Variants in MADCAM1 observed in about 807,000 individuals in gnomAD.
MADCAM1 encodes the protein mucosal vascular addressin cell adhesion molecule 1, also known as mucosal addressin cell adhesion molecule 1.
A neutral mutation model predicts 26.1 loss-of-function variants in MADCAM1; 19 were observed. The ratio of observed to expected loss-of-function variants is 0.73; its 90% CI spans 0.51 to 1.07. The LOEUF (loss-of-function observed/expected upper bound fraction) is 1.07. MADCAM1 is among the 50% of genes least tolerant of loss of function. MADCAM1 has a pLI of 0.00. For synonymous variants in MADCAM1, 268 were observed against 260.9 expected (o/e 1.03, Z -0.26); for missense variants, 514 against 542.1 (o/e 0.95, Z 0.51).
At chr19:498,873 C>A in intron 3 of MADCAM1, 48 bp downstream of exon 3, 15 of 958,232 alleles carry the variant, frequency 1.6e-5, no homozygotes, top group Non-Finnish European at 2.0e-5. Context: ...CCAGCCTTGA[C>A]AAGCACTTCG....
At chr19:500,801 C>T (rs1430635604) in intron 3 of MADCAM1, among the ~76,000 whole-genome samples, 9 of 151,312 alleles carry the variant, frequency 5.9e-5, no homozygotes, top group Admixed American at 3.9e-4. Context: ...ACCCGGGAGG[C>T]GGAGGTTGCA....
In MADCAM1 at chr19:501,719, T is replaced by TCCCGACACCACCTCCCAGGAGC. The variant is rs1568317884; in HGVS notation, c.719_720insCCGACACCACCTCCCAGGAGCC (p.Pro241ArgfsTer61). On this transcript the variant is annotated frameshift_variant, in exon 4 of 5. Transcript: ENST00000215637. LOFTEE classifies it high-confidence loss of function. ...GCCTCCCGACACCACCTCCCCGGAG[T>TCCCGACACCACCTCCCAGGAGC]CTCCCGACACCACCTCCCCGGAGTC... 61 of 868,410 alleles carry TCCCGACACCACCTCCCAGGAGC rather than the reference T, an allele frequency of 7.0e-5. No homozygotes were observed. The African/African-American group carries it at 1.2e-3, about 17-fold the overall frequency. 53.8% of individuals were successfully genotyped at this position (868,410 alleles called of 1,614,324 possible).
At chr19:504,626 G>A in intron 4 of MADCAM1, 119 bp from the exon 5 acceptor site, 1 of 713,694 alleles carries the variant, frequency 1.4e-6, no homozygotes, top group South Asian at 1.9e-5. Flanking sequence ...AGTCCTTTGT[G>A]AAATTTCAGG....
chr19:499,993 G>T, intron 3 of MADCAM1: 1 of 451,026 alleles, frequency 2.2e-6, no homozygotes, highest in South Asian at 1.6e-5. Context: ...TCTTTGTGGT[G>T]GGGGTGGGGC....
At chr19:504,255 C>CATTTTTTTTTTTTTTTTTTTTT (rs1270034691) in intron 4 of MADCAM1, among the ~76,000 whole-genome samples, 2 of 88,150 alleles carry the variant, frequency 2.3e-5, no homozygotes. Flanking sequence ...CCGGTCTGCC[C>CATTTTTTTTTTTTTTTTTTTTT]TTTTTTTTTT....
In MADCAM1 at chr19:497,821, C is replaced by T. The variant is rs1252883231; in HGVS notation, c.53-12C>T. On this transcript the variant is annotated splice_polypyrimidine_tract_variant and intron_variant, in intron 1 of 4. Coordinates refer to ENST00000215637, the MANE Select transcript of MADCAM1 (RefSeq NM_130760.3). ...ACTCCGCGGGGCTGAGCGAGAGCCG[C>T]GGTCGCCGCAGGCCAGTCCCTCCAG... The T allele has an allele frequency of 2.4e-6, 3 of 1,270,014 alleles. No individual in the cohort carries two copies. The highest frequency in any genetic ancestry group is 5.5e-5 in the South Asian group (2 of 36,200). 78.7% of individuals were successfully genotyped at this position (1,270,014 alleles called of 1,614,324 possible).
intron 2 of MADCAM1, 43 bp downstream of exon 2, chr19:498,160 C>T: frequency 7.7e-7 from 1 of 1,299,816 alleles, no homozygotes; most frequent in Non-Finnish European, 9.8e-7. Context: ...CCCTTGGACT[C>T]CCGGCTCCTT....
chr19:498,000 A>G lies in MADCAM1; in HGVS notation c.220A>G (p.Thr74Ala). The G allele has an allele frequency of 6.7e-7, 1 of 1,503,652 alleles. No homozygotes were observed. The highest frequency in any genetic ancestry group is 2.6e-5 in the East Asian group (1 of 37,754). The allele number at this position is 1,503,652 out of a possible 1,614,324, so 93.1% of individuals were successfully genotyped here. A position where few individuals can be genotyped will look rare whatever the true frequency, so the allele number is the denominator to read the frequency against. Reference sequence around the variant, plus strand: ...CAGCCTGGGCGCGGTGCAGTCGGACACGGGCCGCAGCGTCCTCACCGTGCG... The same window carrying G: ...CAGCCTGGGCGCGGTGCAGTCGGACGCGGGCCGCAGCGTCCTCACCGTGCG... ...DTSLGAVQSD[T>A]GRSVLTVRNA... Residue 74 changes from threonine (T) to alanine (A), a missense_variant, in exon 2 of 5, where the codon ACG becomes GCG. Coordinates refer to ENST00000215637, the MANE Select transcript of MADCAM1 (RefSeq NM_130760.3).
Position 498,665 on chromosome 19 carries a change from G to A in MADCAM1, c.507G>A (p.Gln169=). ...EGAQALGPEV[Q]EEEEEPQGDE... Reference sequence around the variant, plus strand: ...CGCAAGCCCTGGGCCCGGAGGTGCAGGAGGAGGAGGAGGAGCCCCAGGGGG... The same window carrying A: ...CGCAAGCCCTGGGCCCGGAGGTGCAAGAGGAGGAGGAGGAGCCCCAGGGGG... The change falls in exon 3 of 5, where the codon CAG becomes CAA. Residue 169 remains glutamine (Q), a synonymous_variant. Coordinates refer to ENST00000215637, the MANE Select transcript of MADCAM1 (RefSeq NM_130760.3). The A allele has an allele frequency of 1.4e-6, 2 of 1,408,130 alleles. No homozygotes were observed. Among genetic ancestry groups the A allele is most frequent in the East Asian group, 5.4e-5 (2 of 36,856 alleles). The allele number at this position is 1,408,130 out of a possible 1,614,324, so 87.2% of individuals were successfully genotyped here. A position where few individuals can be genotyped will look rare whatever the true frequency, so the allele number is the denominator to read the frequency against.
rs1978531830 is a variant in MADCAM1, at chr19:504,815, C to T, written c.999C>T (p.Leu333=). ...WTSSAVLGLL[L]LALPTYHLWK... ...GCAGTGCGGTGCTGGGACTGCTGCTCCTGGCCTTGCCCACCTATCACCTCT... is the reference window on the plus strand; with the variant it reads ...GCAGTGCGGTGCTGGGACTGCTGCTTCTGGCCTTGCCCACCTATCACCTCT... Residue 333 remains leucine (L), a synonymous_variant, in exon 5 of 5, where the codon CTC becomes CTT. Coordinates refer to ENST00000215637, the MANE Select transcript of MADCAM1 (RefSeq NM_130760.3). 2 of 1,613,080 alleles carry T rather than the reference C, an allele frequency of 1.2e-6. No homozygotes were observed. Among genetic ancestry groups the T allele is most frequent in the East Asian group, 2.2e-5 (1 of 44,880 alleles).
At position 497,855 on chromosome 19, in the gene MADCAM1, C is replaced by G; in HGVS notation, c.75C>G (p.Pro25=). 1 of 1,333,578 alleles carries G rather than the reference C, an allele frequency of 7.5e-7. No homozygotes were observed. The highest frequency in any genetic ancestry group is 9.5e-7 in the Non-Finnish European group (1 of 1,049,812). 82.6% of individuals were successfully genotyped at this position (1,333,578 alleles called of 1,614,324 possible). A position where few individuals can be genotyped will look rare whatever the true frequency, so the allele number is the denominator to read the frequency against. ...LLLGQSLQVK[P]LQVEPPEPVV... ...CAGGCCAGTCCCTCCAGGTGAAGCC[C>G]CTGCAGGTGGAGCCCCCGGAGCCGG... The change falls in exon 2 of 5, where the codon CCC becomes CCG. Residue 25 remains proline, a synonymous_variant. Coordinates refer to ENST00000215637, the MANE Select transcript of MADCAM1 (RefSeq NM_130760.3).
rs572649173 is a variant in MADCAM1, at chr19:501,685, C to G, written c.684C>G (p.Thr228=). ...TGTTTCCAGTCCTGCACAGCCCGAC[C>G]TCCCCGGAGCCTCCCGACACCACCT... ...RQAIPVLHSP[T]SPEPPDTTSP... is the part of the protein sequence containing the mutation. Residue 228 remains threonine, a synonymous_variant, in exon 4 of 5, where the codon ACC becomes ACG. Transcript: ENST00000215637. The G allele has an allele frequency of 8.8e-6, 14 of 1,596,974 alleles. No individual in the cohort carries two copies. The African/African-American group carries it at 1.3e-4, about 15-fold the overall frequency.
chr19:505,073 C>A lies in MADCAM1; in HGVS notation c.*108C>A. ...TTCTACTCAAAGTCATCCCTCTGTTCACAGAGATGGATGCATGTTCTGATT... is the reference window on the plus strand; with the variant it reads ...TTCTACTCAAAGTCATCCCTCTGTTAACAGAGATGGATGCATGTTCTGATT... On this transcript the variant is annotated 3_prime_UTR_variant, in exon 5 of 5. Coordinates refer to ENST00000215637, the MANE Select transcript of MADCAM1 (RefSeq NM_130760.3). The A allele has an allele frequency of 5.3e-6, 4 of 751,080 alleles. No individual in the cohort carries two copies. Among genetic ancestry groups the A allele is most frequent in the South Asian group, 2.0e-5 (1 of 50,252 alleles). 46.5% of individuals were successfully genotyped at this position (751,080 alleles called of 1,614,324 possible).
rs1008868605 is a variant in MADCAM1 at position 496,491 on chromosome 19, G to A, written c.-9G>A. 1.5e-6 allele frequency: 2 copies of A among 1,310,200 alleles called. No homozygotes were observed. Among genetic ancestry groups the A allele is most frequent in the East Asian group, 2.8e-5 (1 of 35,494 alleles). The allele number at this position is 1,310,200 out of a possible 1,614,324, so 81.2% of individuals were successfully genotyped here. On this transcript the variant is annotated 5_prime_UTR_variant, in exon 1 of 5. Transcript: ENST00000215637. ...CTTCCCCGCGGCCTCGGGACAGAGG[G>A]GACTGAGCATGGATTTCGGACTGGC...
Position 504,829 on chromosome 19 carries a change from C to CG in MADCAM1, c.1013_1014insG (p.Tyr339LeufsTer12), listed in dbSNP as rs758064459. 3 of 1,613,090 alleles carry CG rather than the reference C, an allele frequency of 1.9e-6. No individual in the cohort carries two copies. The South Asian group carries it at 3.3e-5, about 18-fold the overall frequency. On this transcript the variant is annotated frameshift_variant, in exon 5 of 5. Transcript: ENST00000215637. LOFTEE classifies it low-confidence loss of function (END_TRUNC). ...GGACTGCTGCTCCTGGCCTTGCCCA[C>CG]CTATCACCTCTGGAAACGCTGCCGG... is the stretch of plus-strand genomic sequence containing the variant.
chr19:500,695 C>G (rs1407109198), intron 3 of MADCAM1, among the ~76,000 whole-genome samples: 1 of 152,108 alleles, frequency 6.6e-6, no homozygotes, highest in Admixed American at 6.6e-5. Flanking sequence ...ATGGTGAAAC[C>G]CCGTCCCCTA....
Position 501,873 on chromosome 19 carries a change from G to C in MADCAM1, c.872G>C (p.Arg291Pro), listed in dbSNP as rs747439523. 2 of 1,552,954 alleles carry C rather than the reference G, an allele frequency of 1.3e-6. No homozygotes were observed. The highest frequency in any genetic ancestry group is 2.7e-5 in the African/African-American group (2 of 72,960). ...AGGAGCCCAGGCTCCACCAGGACTC[G>C]CCGCCCTGAGATCTCCCAGGCTGGG... The part of the protein sequence containing the change: ...TPRSPGSTRT[R>P]RPEISQAGPT... The change falls in exon 4 of 5, where the codon CGC becomes CCC. Residue 291 changes from arginine (R) to proline (P), a missense_variant. Coordinates refer to ENST00000215637, the MANE Select transcript of MADCAM1 (RefSeq NM_130760.3).
At chr19:500,099 A>AGCAGAAGGCCAGG in intron 3 of MADCAM1, 1 of 456,080 alleles carries the variant, frequency 2.2e-6, no homozygotes, top group Non-Finnish European at 4.4e-6. Context: ...CAGGGGATGG[A>AGCAGAAGGCCAGG]GCAGAAGGCC....
chr19:500,760 C>T (rs1029458557), intron 3 of MADCAM1, among the ~76,000 whole-genome samples: 5 of 152,088 alleles, frequency 3.3e-5, no homozygotes, highest in Admixed American at 6.6e-5. Context: ...ATTCCAGCTA[C>T]TCAGGAGGCT....
Sources: allele counts gnomAD v4.1 joint callset (sites outside exome capture counted in the v4.1 genomes callset), GRCh38; gene constraint gnomAD v4.1.1; transcripts MANE v1.5; gene names NCBI Gene and HGNC (gene_info 2026-07-23, HGNC 2026-07-21).